Variants in SUCLG2 observed in about 807,000 individuals in gnomAD.
SUCLG2 encodes the protein succinate--CoA ligase [GDP-forming] subunit beta, mitochondrial.
Under a neutral mutation model 47.9 loss-of-function variants are expected in SUCLG2, and 42 were observed. That is an observed-to-expected ratio of 0.88 (90% CI 0.69 to 1.14). The LOEUF (loss-of-function observed/expected upper bound fraction) is 1.14. Ranked by LOEUF, SUCLG2 falls within the 50% of genes most tolerant of loss-of-function variation. The probability of loss-of-function intolerance (pLI) is 0.00; values close to 1 mark genes in which losing one functional copy is unlikely to be tolerated. For missense variants in SUCLG2, 571 were observed against 525.9 expected (o/e 1.09, Z -0.84); for synonymous variants, 195 against 197.3 (o/e 0.99, Z 0.10).
chr3:67,643,406 T>C (rs1701136803), intron 1 of SUCLG2, among the ~76,000 whole-genome samples: 1 of 152,200 alleles, frequency 6.6e-6, no homozygotes, highest in Non-Finnish European at 1.5e-5. Flanking sequence ...TTTGATGATG[T>C]TTCTGTAACC....
intron 9 of SUCLG2, among the ~76,000 whole-genome samples, chr3:67,451,804 A>G (rs1453899038): frequency 6.6e-6 from 1 of 152,220 alleles, no homozygotes. Flanking sequence ...ATGGACTTTA[A>G]AGATAATATA....
chr3:67,579,222 G>A (rs1355650365), intron 2 of SUCLG2, among the ~76,000 whole-genome samples: 1 of 152,036 alleles, frequency 6.6e-6, no homozygotes, highest in Non-Finnish European at 1.5e-5. Context: ...GTAAGTTAAA[G>A]GGCTCATATT....
chr3:67,371,195 A>G (rs541085305), downstream of SUCLG2, among the ~76,000 whole-genome samples: 3 of 152,232 alleles, frequency 2.0e-5, no homozygotes, highest in Admixed American at 1.3e-4. Flanking sequence ...CTGCCTCTAC[A>G]AACACAAGGG....
intron 10 of SUCLG2, among the ~76,000 whole-genome samples, chr3:67,385,430 T>C (rs1702239721): frequency 1.3e-5 from 2 of 152,238 alleles, no homozygotes; most frequent in Admixed American, 6.5e-5. Context: ...GTCATTAGTG[T>C]AACCCCTCCT....
intron 1 of SUCLG2, among the ~76,000 whole-genome samples, chr3:67,621,195 C>G (rs1344997648): frequency 1.3e-5 from 2 of 152,014 alleles, no homozygotes; most frequent in Non-Finnish European, 2.9e-5. Flanking sequence ...GGCTAGCAGG[C>G]CAGTGTGCTG....
intron 10 of SUCLG2, among the ~76,000 whole-genome samples, chr3:67,379,230 G>A (rs1460687096): frequency 6.6e-6 from 1 of 152,128 alleles, no homozygotes; most frequent in African/African-American, 2.4e-5. Context: ...AGAAGCATGA[G>A]CCACCGTACC....
At chr3:67,510,554 C>T (rs192177370) in intron 6 of SUCLG2, among the ~76,000 whole-genome samples, 42 of 152,264 alleles carry the variant, frequency 2.8e-4, no homozygotes, top group African/African-American at 9.9e-4. Flanking sequence ...AGTACGCATT[C>T]CTCCTTCATC....
chr3:67,447,117 C>A (rs1034033436), intron 9 of SUCLG2, among the ~76,000 whole-genome samples: 1 of 152,100 alleles, frequency 6.6e-6, no homozygotes, highest in Non-Finnish European at 1.5e-5. Flanking sequence ...CAGGAATCAC[C>A]TACTGAAAAA....
At chr3:67,627,197 TAA>T (rs55662165) in intron 1 of SUCLG2, among the ~76,000 whole-genome samples, 1 of 147,658 alleles carries the variant, frequency 6.8e-6, no homozygotes, top group South Asian at 2.1e-4. Flanking sequence ...GCTTGACCAT[TAA>T]AAAAAAAAAT....
chr3:67,371,528 T>C (rs1701954100), downstream of SUCLG2, among the ~76,000 whole-genome samples: 1 of 152,184 alleles, frequency 6.6e-6, no homozygotes, highest in Non-Finnish European at 1.5e-5. Context: ...ACTTGGGAAT[T>C]AGATCCCTAG....
At chr3:67,472,242 A>T (rs1704622965) in intron 9 of SUCLG2, among the ~76,000 whole-genome samples, 1 of 152,198 alleles carries the variant, frequency 6.6e-6, no homozygotes, top group African/African-American at 2.4e-5. Flanking sequence ...ATGTCTAAAA[A>T]ATTCACATGT....
At position 67,551,024 on chromosome 3, in the gene SUCLG2, T is replaced by C. The variant is rs961777385; in HGVS notation, c.227-21838A>G. On this transcript the variant is annotated intron_variant, in intron 2 of 10. Coordinates refer to ENST00000307227, the MANE Select transcript of SUCLG2 (RefSeq NM_003848.4). ...AGATGATAATGATAAATATGTTGCC[T>C]ATTGGGCAAAATAATTTTTGTAATA... Among the ~76,000 whole-genome samples the C allele has an allele frequency of 2.6e-5, 4 of 152,376 alleles. No homozygotes were observed. The East Asian group carries it at 5.8e-4, about 22-fold the overall frequency.
chr3:67,402,508 T>C (rs1157602456), intron 9 of SUCLG2, among the ~76,000 whole-genome samples: 2 of 152,254 alleles, frequency 1.3e-5, no homozygotes, highest in Non-Finnish European at 2.9e-5. Flanking sequence ...GGACAACTGG[T>C]AAGCAGAAGC....
intron 9 of SUCLG2, among the ~76,000 whole-genome samples, chr3:67,429,642 G>A (rs1703423676): frequency 6.6e-6 from 1 of 152,076 alleles, no homozygotes; most frequent in African/African-American, 2.4e-5. Flanking sequence ...CCAAATAAAA[G>A]ACACAAACTG....
intron 8 of SUCLG2, among the ~76,000 whole-genome samples, chr3:67,496,926 T>G (rs943749388): frequency 6.6e-6 from 1 of 152,190 alleles, no homozygotes; most frequent in African/African-American, 2.4e-5. Flanking sequence ...AAAATAAAAA[T>G]GGTTTACACA....
intron 10 of SUCLG2, among the ~76,000 whole-genome samples, chr3:67,400,147 T>C (rs1552627): frequency 0.26 from 39,907 of 152,042 alleles, 5,429 homozygotes; most frequent in Admixed American, 0.36. Flanking sequence ...GAAACAGACA[T>C]GCTAAATGTG....
intron 2 of SUCLG2, among the ~76,000 whole-genome samples, chr3:67,598,092 T>C (rs1708335811): frequency 6.6e-6 from 1 of 152,028 alleles, no homozygotes; most frequent in Non-Finnish European, 1.5e-5. Flanking sequence ...GCAATTTTCC[T>C]GCCTCAGCCT....
chr3:67,580,084 A>G (rs1395013890), intron 2 of SUCLG2, among the ~76,000 whole-genome samples: 1 of 152,206 alleles, frequency 6.6e-6, no homozygotes, highest in East Asian at 1.9e-4. Flanking sequence ...GGTTTTATCC[A>G]TCTTTATTTC....
At chr3:67,574,539 T>G (rs1707695068) in intron 2 of SUCLG2, among the ~76,000 whole-genome samples, 1 of 152,182 alleles carries the variant, frequency 6.6e-6, no homozygotes, top group Non-Finnish European at 1.5e-5. Flanking sequence ...TCTCACCGCA[T>G]ACCATGCACA....
Sources: gnomAD v4.1 joint callset for allele counts (sites outside exome capture counted in the v4.1 genomes callset) on GRCh38, gnomAD v4.1.1 for gene constraint, MANE v1.5 for transcripts, NCBI Gene and HGNC (gene_info 2026-07-23, HGNC 2026-07-21) for gene names.